Variants in SPRYD3 observed in about 807,000 individuals in gnomAD.
The protein encoded by SPRYD3 is SPRY domain containing 3.
Under a neutral mutation model 50.1 loss-of-function variants are expected in SPRYD3, and 17 were observed. The ratio of observed to expected loss-of-function variants is 0.34; its 90% CI spans 0.23 to 0.51. The LOEUF (loss-of-function observed/expected upper bound fraction) is 0.51. Among genes scored for constraint, SPRYD3 ranks in the 20% least tolerant of loss-of-function variants. SPRYD3 has a pLI of 0.97. For missense variants in SPRYD3, 401 were observed against 591.2 expected, an observed-to-expected ratio of 0.68 and a Z score of 3.34; for synonymous variants, 198 against 215.5, an observed-to-expected ratio of 0.92 and a Z score of 0.71.
At chr12:53,078,772 A>G (rs1460403214) in intron 1 of SPRYD3, among the ~76,000 whole-genome samples, 1 of 152,198 alleles carries the variant, frequency 6.6e-6, no homozygotes, top group Non-Finnish European at 1.5e-5. Context: ...TTCTCTTCCC[A>G]TTCCCTAAAC....
Position 53,068,208 on chromosome 12 carries a change from C to A in SPRYD3, c.790G>T (p.Glu264Ter). 6.2e-7 allele frequency: 1 copy of A among 1,614,206 alleles called. No homozygotes were observed. The highest frequency in any genetic ancestry group is 8.5e-7 in the Non-Finnish European group (1 of 1,180,034). ...LSTRSHYFEV[E>*]IVDPGEKCYI... ...CATTTCTCTCCAGGGTCCACGATCTCCACCTCGAAGTAGTGGCTGCGGGTG... is the reference window on the plus strand; with the variant it reads ...CATTTCTCTCCAGGGTCCACGATCTACACCTCGAAGTAGTGGCTGCGGGTG... Residue 264 changes from glutamate (E) to a stop codon, truncating the protein, a stop_gained, in exon 7 of 11, where the codon GAG becomes TAG. Coordinates refer to ENST00000301463, the MANE Select transcript of SPRYD3 (RefSeq NM_032840.3). LOFTEE classifies it high-confidence loss of function.
chr12:53,070,272 A>T (rs1592265055), intron 6 of SPRYD3, among the ~76,000 whole-genome samples: 1 of 150,782 alleles, frequency 6.6e-6, no homozygotes, highest in East Asian at 2.0e-4. Flanking sequence ...CTCCTGATCC[A>T]CTCTCCTGCT....
chr12:53,075,328 A>G, intron 3 of SPRYD3, 109 bp from the exon 4 acceptor site: 1 of 1,184,330 alleles, frequency 8.4e-7, no homozygotes, highest in Non-Finnish European at 1.2e-6. Context: ...CTCAAAAAGA[A>G]AAAGGACATG....
At chr12:53,075,370 G>T (rs1015854097) in intron 3 of SPRYD3, 151 bp from the exon 4 acceptor site, 1 of 778,694 alleles carries the variant, frequency 1.3e-6, no homozygotes, top group Non-Finnish European at 2.0e-6. Flanking sequence ...ATACTCAGAG[G>T]GGGCAATTGG....
In SPRYD3 at chr12:53,068,236, G is replaced by A; in HGVS notation, c.762C>T (p.Leu254=). ...DVGLAQARHP[L]STRSHYFEVE... is the part of the protein sequence containing the mutation. ...CCTCGAAGTAGTGGCTGCGGGTGCTGAGTGGGTGCCGGGCCTGGGCCAGCC... is the reference window on the plus strand; with the variant it reads ...CCTCGAAGTAGTGGCTGCGGGTGCTAAGTGGGTGCCGGGCCTGGGCCAGCC... The change falls in exon 7 of 11, where the codon CTC becomes CTT. Residue 254 remains leucine (L), a synonymous_variant. Transcript: ENST00000301463. 3 of 1,614,226 alleles carry A rather than the reference G, an allele frequency of 1.9e-6. No homozygotes were observed. Among genetic ancestry groups the A allele is most frequent in the South Asian group, 1.1e-5 (1 of 91,088 alleles).
intron 5 of SPRYD3, 32 bp from the exon 6 acceptor site, chr12:53,073,503 C>T (rs1324365750): frequency 6.0e-6 from 9 of 1,495,312 alleles, no homozygotes; most frequent in Middle Eastern, 1.7e-4. Flanking sequence ...AGCTGCCACC[C>T]GGCCTGCTTT....
chr12:53,066,384 TC>T lies in SPRYD3; in HGVS notation c.1123del (p.Glu375LysfsTer14). 1 of 1,614,132 alleles carries T rather than the reference TC, an allele frequency of 6.2e-7. No homozygotes were observed. Among genetic ancestry groups the T allele is most frequent in the Non-Finnish European group, 8.5e-7 (1 of 1,179,994 alleles). ...VMYLHQEGEE[E>X]EEEEEEEEDG... ...CTCTTCCTCTTCCTCTTCCTCCTCT[TC>T]CTCTTCCCCTTCCTGGTGCAGGTAC... is the stretch of plus-strand genomic sequence containing the variant. On this transcript the variant is annotated frameshift_variant, in exon 10 of 11. Coordinates refer to ENST00000301463, the MANE Select transcript of SPRYD3 (RefSeq NM_032840.3). LOFTEE classifies it high-confidence loss of function.
chr12:53,068,396 G>A, intron 6 of SPRYD3, 92 bp from the exon 7 acceptor site: 3 of 1,465,292 alleles, frequency 2.0e-6, no homozygotes, highest in Non-Finnish European at 2.8e-6. Flanking sequence ...CACTTTCCCA[G>A]GTCTGACAAA....
In SPRYD3 at chr12:53,079,384, C is replaced by A; in HGVS notation, c.-51G>T. The A allele has an allele frequency of 1.9e-6, 3 of 1,585,160 alleles. No individual in the cohort carries two copies. The South Asian group carries it at 3.4e-5, about 18-fold the overall frequency. On this transcript the variant is annotated 5_prime_UTR_variant, in exon 1 of 11. Coordinates refer to ENST00000301463, the MANE Select transcript of SPRYD3 (RefSeq NM_032840.3). ...AAGCTCTTCGGCCGCCGCCACCACA[C>A]ACATCCGGGTCCCCGCCTTTCCTTC...
chr12:53,066,566 C>T lies in SPRYD3; in HGVS notation c.1021+7G>A. On this transcript the variant is annotated splice_region_variant and intron_variant, in intron 9 of 10. Transcript: ENST00000301463. ...GCAGCCTGGCTGGCCACCCCTACCC[C>T]ACTCACCCTCACTGTCCAAAATGTA... 2 of 1,613,936 alleles carry T rather than the reference C, an allele frequency of 1.2e-6. No individual in the cohort carries two copies.
rs1222663554 is a variant in SPRYD3 at position 53,074,219 on chromosome 12, G to A, written c.507+430C>T. 1.3e-5 allele frequency among the ~76,000 whole-genome samples: 2 copies of A among 152,192 alleles called. No individual in the cohort carries two copies. The highest frequency in any genetic ancestry group is 2.9e-5 in the Non-Finnish European group (2 of 68,028). On this transcript the variant is annotated intron_variant, in intron 5 of 10. Transcript: ENST00000301463. This position sits in a 1 kb window ranked among gnomAD's most constrained non-coding sequence, Gnocchi z 4.6. ...GCCTAGTCTCTCTACGAACAGGATA[G>A]TGAAAGAGACGTGAAACAAGGAAAA... is the stretch of plus-strand genomic sequence containing the variant.
rs566242288 is a variant in SPRYD3, at chr12:53,076,864, G to A, written c.170+251C>T. 9.9e-5 allele frequency among the ~76,000 whole-genome samples: 15 copies of A among 151,972 alleles called. 1 individual carries two copies. Among genetic ancestry groups the A allele is most frequent in the African/African-American group, 2.2e-4 (9 of 41,446 alleles). On this transcript the variant is annotated intron_variant, in intron 2 of 10. Coordinates refer to ENST00000301463, the MANE Select transcript of SPRYD3 (RefSeq NM_032840.3). The stretch of plus-strand genomic sequence containing the variant: ...CTTGGGAAGCTGAGGCAGGAGAATC[G>A]CTTGAACCCAGGAGGCGGAGGTTGC...
At chr12:53,068,335 G>T (rs763599612) in intron 6 of SPRYD3, 31 bp from the exon 7 acceptor site, 2 of 1,611,260 alleles carry the variant, frequency 1.2e-6, no homozygotes, top group Admixed American at 3.3e-5. Flanking sequence ...GGGGGTCAGG[G>T]GACAGGCTGA....
chr12:53,068,321 A>C lies in SPRYD3; in HGVS notation c.694-17T>G. ...CTCCAGCAGCTGTGGGGGAAGAGCC[A>C]GATGGGGGTCAGGGGACAGGCTGAC... On this transcript the variant is annotated splice_polypyrimidine_tract_variant and intron_variant, in intron 6 of 10. Coordinates refer to ENST00000301463, the MANE Select transcript of SPRYD3 (RefSeq NM_032840.3). 1.2e-6 allele frequency: 2 copies of C among 1,613,204 alleles called. No homozygotes were observed. The highest frequency in any genetic ancestry group is 1.7e-6 in the Non-Finnish European group (2 of 1,179,878).
intron 2 of SPRYD3, among the ~76,000 whole-genome samples, chr12:53,076,883 A>C (rs1944592494): frequency 6.6e-6 from 1 of 151,722 alleles, no homozygotes; most frequent in Non-Finnish European, 1.5e-5. Context: ...CAGGAGGCGG[A>C]GGTTGCAGTG....
In SPRYD3 at chr12:53,065,970, G is replaced by A. The variant is rs201329663; in HGVS notation, c.1195-4C>T. 4.0e-5 allele frequency: 65 copies of A among 1,611,564 alleles called. No individual in the cohort carries two copies. In the African/African-American group the frequency reaches 8.5e-4, roughly 21 times the overall value. Reference sequence around the variant, plus strand: ...TGCCATTCCGAGTGAAGAAAACCTGGGGAGGAGGTGGGGAGAAGAATGGAG... The same window carrying A: ...TGCCATTCCGAGTGAAGAAAACCTGAGGAGGAGGTGGGGAGAAGAATGGAG... On this transcript the variant is annotated splice_region_variant and splice_polypyrimidine_tract_variant and intron_variant, in intron 10 of 10. Transcript: ENST00000301463.
At chr12:53,071,882 A>C (rs961337899) in intron 6 of SPRYD3, among the ~76,000 whole-genome samples, 3 of 152,104 alleles carry the variant, frequency 2.0e-5, no homozygotes, top group Non-Finnish European at 4.4e-5. Context: ...GGTCTGAGAG[A>C]AGGGCCCAAT....
intron 6 of SPRYD3, 73 bp from the exon 7 acceptor site, chr12:53,068,377 T>G: frequency 6.4e-7 from 1 of 1,555,026 alleles, no homozygotes; most frequent in Non-Finnish European, 8.7e-7. Flanking sequence ...CCCAAGGCAG[T>G]CTGGGTCCCA....
At chr12:53,071,227 T>G (rs990895139) in intron 6 of SPRYD3, among the ~76,000 whole-genome samples, 3 of 152,188 alleles carry the variant, frequency 2.0e-5, no homozygotes, top group Admixed American at 6.5e-5. Context: ...GGGCTGGGTC[T>G]GGGGAGGACC....
Sources: allele counts gnomAD v4.1 joint callset (sites outside exome capture counted in the v4.1 genomes callset), GRCh38; gene constraint gnomAD v4.1.1; non-coding constraint Gnocchi (gnomAD v3.1); transcripts MANE v1.5; gene names NCBI Gene and HGNC (gene_info 2026-07-23, HGNC 2026-07-21).